Variants in RBMS3 observed in about 807,000 individuals in gnomAD.
RBMS3 encodes RNA-binding motif, single-stranded-interacting protein 3.
In RBMS3, 27 loss-of-function variants were observed where a neutral mutation model predicts 66.8. The ratio of observed to expected loss-of-function variants is 0.40; its 90% CI spans 0.30 to 0.56. The LOEUF is 0.56. Ranked by LOEUF, RBMS3 falls within the 20% of genes least tolerant of loss-of-function variation. The pLI is 0.40. For missense variants in RBMS3, 513 were observed against 549.5 expected, an observed-to-expected ratio of 0.93 and a Z score of 0.66; for synonymous variants, 188 against 183.0, an observed-to-expected ratio of 1.03 and a Z score of -0.22.
chr3:29,319,218 C>T (rs2034867467), intron 1 of RBMS3, among the ~76,000 whole-genome samples: 1 of 151,960 alleles, frequency 6.6e-6, no homozygotes, highest in Non-Finnish European at 1.5e-5. Context: ...ATTCCAGCAC[C>T]ATGCCAATTC....
chr3:29,676,646 C>A (rs1400440475), intron 4 of RBMS3, among the ~76,000 whole-genome samples: 1 of 152,086 alleles, frequency 6.6e-6, no homozygotes, highest in Non-Finnish European at 1.5e-5. Flanking sequence ...ACTGTGCAAT[C>A]CTTAAATTCT....
intron 4 of RBMS3, among the ~76,000 whole-genome samples, chr3:29,631,202 A>G (rs1159422244): frequency 6.6e-6 from 1 of 151,982 alleles, no homozygotes; most frequent in East Asian, 1.9e-4. Flanking sequence ...TAATGTGAAT[A>G]TATGAGCACA....
At chr3:29,679,208 C>T (rs2051383885) in intron 4 of RBMS3, among the ~76,000 whole-genome samples, 1 of 151,888 alleles carries the variant, frequency 6.6e-6, no homozygotes, top group Non-Finnish European at 1.5e-5. Flanking sequence ...TTTGAAAAAC[C>T]ACTGATATTG....
At chr3:29,701,735 C>T (rs2052594323) in intron 4 of RBMS3, among the ~76,000 whole-genome samples, 1 of 152,258 alleles carries the variant, frequency 6.6e-6, no homozygotes, top group East Asian at 1.9e-4. Context: ...GCGGAGGGTG[C>T]ACCTGGTCCT....
At chr3:29,392,161 A>T (rs1314051667) in intron 1 of RBMS3, among the ~76,000 whole-genome samples, 1 of 152,178 alleles carries the variant, frequency 6.6e-6, no homozygotes, top group East Asian at 1.9e-4. Context: ...GAGGCATGAG[A>T]ATCACTTGAA....
chr3:29,328,736 A>C (rs1380721420), intron 1 of RBMS3, among the ~76,000 whole-genome samples: 2 of 152,134 alleles, frequency 1.3e-5, no homozygotes, highest in Non-Finnish European at 2.9e-5. Context: ...TCTCTCATAA[A>C]GGTGCTCAGA....
intron 1 of RBMS3, among the ~76,000 whole-genome samples, chr3:29,408,777 A>T (rs1223399313): frequency 1.3e-5 from 2 of 152,216 alleles, no homozygotes; most frequent in Admixed American, 1.3e-4. Context: ...TACAATACAG[A>T]GTTGAAGAAT....
At chr3:29,920,626 C>G (rs773497572) in intron 10 of RBMS3, among the ~76,000 whole-genome samples, 1 of 151,820 alleles carries the variant, frequency 6.6e-6, no homozygotes, top group Non-Finnish European at 1.5e-5. Context: ...ACTTTGACAA[C>G]TAATTTCCTG....
At chr3:29,528,197 C>T (rs28513301) in intron 3 of RBMS3, among the ~76,000 whole-genome samples, 16 of 150,854 alleles carry the variant, frequency 1.1e-4, no homozygotes, top group Admixed American at 2.7e-4. Context: ...ACTGTAACCT[C>T]CGCCTCACAG....
intron 1 of RBMS3, among the ~76,000 whole-genome samples, chr3:29,329,890 T>G (rs140855259): frequency 0.016 from 2,437 of 147,818 alleles, 80 homozygotes; most frequent in African/African-American, 0.056. Context: ...TATAACTATA[T>G]AATTAATATA....
Position 29,705,512 on chromosome 3 carries a change from A to G in RBMS3, c.400-34208A>G, listed in dbSNP as rs145083792. On this transcript the variant is annotated intron_variant, in intron 4 of 14. Transcript: ENST00000383767. ...GCACAGCAAGTGAAAACATAATGAA[A>G]TGGAAAATGTGCTTTAAAATGAAAT... Among the ~76,000 whole-genome samples, 571 of 152,334 alleles carry G rather than the reference A, an allele frequency of 3.7e-3. 1 individual carries two copies. The highest frequency in any genetic ancestry group is 5.8e-3 in the Non-Finnish European group (394 of 68,026).
chr3:29,313,708 A>G (rs368889605), intron 1 of RBMS3, among the ~76,000 whole-genome samples: 2 of 151,704 alleles, frequency 1.3e-5, no homozygotes, highest in African/African-American at 2.4e-5. Context: ...ATTTGTTAAA[A>G]AGGCATGATG....
At chr3:29,926,912 A>G (rs6774183) in intron 10 of RBMS3, 81,972 of 152,106 alleles carry the variant, frequency 0.54, 24,093 homozygotes, top group Non-Finnish European at 0.67. Context: ...AGGCAGATAT[A>G]TGGCTACTAA....
chr3:29,996,563 ACTAT>A (rs1699257249), intron 14 of RBMS3, among the ~76,000 whole-genome samples: 1 of 149,628 alleles, frequency 6.7e-6, no homozygotes, highest in African/African-American at 2.5e-5. Flanking sequence ...ATTATAACAA[ACTAT>A]CTCTCAGACC....
At chr3:29,804,218 A>G (rs1424815229) in intron 6 of RBMS3, among the ~76,000 whole-genome samples, 1 of 152,090 alleles carries the variant, frequency 6.6e-6, no homozygotes, top group Non-Finnish European at 1.5e-5. Context: ...CATGTTTGCT[A>G]TAAAACTAAA....
chr3:29,896,331 C>T (rs1373076646), intron 8 of RBMS3, among the ~76,000 whole-genome samples: 7 of 151,056 alleles, frequency 4.6e-5, no homozygotes, highest in Non-Finnish European at 1.5e-5. Flanking sequence ...TGGATGAAGT[C>T]TTTGTCCCAT....
At chr3:29,683,238 A>T (rs1234037258) in intron 4 of RBMS3, among the ~76,000 whole-genome samples, 2 of 152,154 alleles carry the variant, frequency 1.3e-5, no homozygotes, top group African/African-American at 2.4e-5. Context: ...TTTGCTCAAG[A>T]TCATTTTCAA....
rs1183789576 is a variant in RBMS3, at chr3:30,005,486, T to C, written c.*1624T>C. On this transcript the variant is annotated 3_prime_UTR_variant, in exon 15 of 15. Coordinates refer to ENST00000383767, the MANE Select transcript of RBMS3 (RefSeq NM_001003793.3). Reference sequence around the variant, plus strand: ...AGCTAAAGACACTTTCTGGACCTGGTCTGAAAGGTCATTTGTCAAAAAAGC... The same window carrying C: ...AGCTAAAGACACTTTCTGGACCTGGCCTGAAAGGTCATTTGTCAAAAAAGC... The C allele has an allele frequency of 6.6e-6, 1 of 151,882 alleles. No homozygotes were observed. Among genetic ancestry groups the C allele is most frequent in the Non-Finnish European group, 1.5e-5 (1 of 67,822 alleles). The allele number at this position is 151,882 out of a possible 1,614,324, so 9.4% of individuals were successfully genotyped here.
At chr3:29,939,322 A>G (rs866305425) in intron 11 of RBMS3, among the ~76,000 whole-genome samples, 55 of 151,980 alleles carry the variant, frequency 3.6e-4, no homozygotes, top group African/African-American at 1.3e-3. Flanking sequence ...ATTGGAGATT[A>G]TATTTTAGAG....
Sources: allele counts gnomAD v4.1 joint callset (sites outside exome capture counted in the v4.1 genomes callset), GRCh38; gene constraint gnomAD v4.1.1; transcripts MANE v1.5; gene names NCBI Gene and HGNC (gene_info 2026-07-23, HGNC 2026-07-21).